The following NLGN1 variants were observed in gnomAD, a reference collection of about 807,000 sequenced individuals.
The protein encoded by NLGN1 is neuroligin 1.
NLGN1 carries 12 observed loss-of-function variants against 65.5 expected under a neutral mutation model. The ratio of observed to expected loss-of-function variants is 0.18; its 90% confidence interval spans 0.12 to 0.30. The LOEUF is 0.30. Ranked by LOEUF, NLGN1 falls within the 10% of genes least tolerant of loss-of-function variation. The pLI is 1.00. For synonymous variants in NLGN1, 350 were observed against 359.5 expected, an observed-to-expected ratio of 0.97 and a Z score of 0.30; for missense variants, 750 against 1,007.1, an observed-to-expected ratio of 0.74 and a Z score of 3.46.
At chr3:174,268,174 A>AGAAAT (rs1748644910) in intron 4 of NLGN1, among the ~76,000 whole-genome samples, 1 of 152,206 alleles carries the variant, frequency 6.6e-6, no homozygotes, top group South Asian at 2.1e-4. Flanking sequence ...CAAAGCAATT[A>AGAAAT]GAAATGAAGA....
intron 4 of NLGN1, among the ~76,000 whole-genome samples, chr3:174,071,447 C>A (rs983861395): frequency 2.6e-5 from 4 of 151,816 alleles, no homozygotes; most frequent in African/African-American, 9.7e-5. Flanking sequence ...TTTGGGAGAC[C>A]GAGGTGGGTG....
chr3:174,240,395 G>A (rs1407121376), intron 4 of NLGN1, among the ~76,000 whole-genome samples: 1 of 152,076 alleles, frequency 6.6e-6, no homozygotes, highest in Non-Finnish European at 1.5e-5. Flanking sequence ...ATTTTCTTGA[G>A]TTGAAAAATT....
intron 4 of NLGN1, among the ~76,000 whole-genome samples, chr3:174,246,246 A>G (rs1743767812): frequency 6.6e-6 from 1 of 152,208 alleles, no homozygotes; most frequent in African/African-American, 2.4e-5. Context: ...TGAGTCAGTC[A>G]AATTCAATGA....
intron 2 of NLGN1, among the ~76,000 whole-genome samples, chr3:173,550,962 A>T (rs1740757928): frequency 6.6e-6 from 1 of 152,124 alleles, no homozygotes; most frequent in Admixed American, 6.6e-5. Context: ...TTCTCCCTAT[A>T]CACATGACAG....
At chr3:174,067,576 A>G (rs1203401791) in intron 4 of NLGN1, among the ~76,000 whole-genome samples, 1 of 152,094 alleles carries the variant, frequency 6.6e-6, no homozygotes, top group Non-Finnish European at 1.5e-5. Context: ...ATCTGAGTAC[A>G]TTTCTATGAA....
chr3:174,144,877 C>A (rs1377806883), intron 4 of NLGN1, among the ~76,000 whole-genome samples: 1 of 152,106 alleles, frequency 6.6e-6, no homozygotes, highest in Non-Finnish European at 1.5e-5. Context: ...ATGATAGTTT[C>A]TTTTGCTGTG....
At chr3:173,473,628 T>A (rs1725669444) in intron 2 of NLGN1, among the ~76,000 whole-genome samples, 2 of 152,222 alleles carry the variant, frequency 1.3e-5, no homozygotes, top group South Asian at 4.1e-4. Context: ...CTTTCTTTTT[T>A]CACCTTCATT....
intron 4 of NLGN1, among the ~76,000 whole-genome samples, chr3:173,969,101 T>C (rs1715591924): frequency 6.6e-6 from 1 of 152,144 alleles, no homozygotes; most frequent in Non-Finnish European, 1.5e-5. Context: ...TTGTTGATTA[T>C]TTTATTTTGT....
At chr3:174,091,799 C>G (rs750173697) in intron 4 of NLGN1, among the ~76,000 whole-genome samples, 1 of 152,128 alleles carries the variant, frequency 6.6e-6, no homozygotes, top group African/African-American at 2.4e-5. Flanking sequence ...ATTTCTAATT[C>G]ATTAATTACT....
At chr3:173,896,705 C>T (rs551197683) in intron 4 of NLGN1, among the ~76,000 whole-genome samples, 2 of 152,106 alleles carry the variant, frequency 1.3e-5, no homozygotes, top group African/African-American at 2.4e-5. Flanking sequence ...CTCATTCATA[C>T]CATAGATGCT....
In NLGN1 at chr3:174,114,632, T is replaced by C. The variant is rs569738567; in HGVS notation, c.647-160683T>C. ...GTATGTTTCCTTTTAAATTACAATT[T>C]TGTTAAATCTGATTTTGCTCGCATA... On this transcript the variant is annotated intron_variant, in intron 4 of 6. Transcript: ENST00000457714. Among the ~76,000 whole-genome samples, 4 of 152,296 alleles carry C rather than the reference T, an allele frequency of 2.6e-5. No individual in the cohort carries two copies. The East Asian group carries it at 7.7e-4, about 29-fold the overall frequency.
intron 4 of NLGN1, 125 bp from the exon 5 acceptor site, chr3:174,275,187 AAAT>A (rs1750313246): frequency 1.5e-6 from 1 of 661,482 alleles, no homozygotes; most frequent in South Asian, 2.1e-5. Context: ...TTATAGTGGA[AAAT>A]AATTTTTACT....
At chr3:173,626,835 T>C (rs1754897118) in intron 3 of NLGN1, among the ~76,000 whole-genome samples, 1 of 152,066 alleles carries the variant, frequency 6.6e-6, no homozygotes, top group African/African-American at 2.4e-5. Flanking sequence ...CTGGTGACTT[T>C]TCAAATAATT....
At chr3:173,754,515 G>C (rs1208957425) in intron 3 of NLGN1, among the ~76,000 whole-genome samples, 1 of 151,962 alleles carries the variant, frequency 6.6e-6, no homozygotes, top group Non-Finnish European at 1.5e-5. Flanking sequence ...TTTACTTAGT[G>C]TATTATCAAT....
intron 4 of NLGN1, among the ~76,000 whole-genome samples, chr3:174,125,918 C>G (rs1215877534): frequency 6.6e-6 from 1 of 152,082 alleles, no homozygotes; most frequent in Non-Finnish European, 1.5e-5. Context: ...TAGCTGTTAA[C>G]TTTAACAACA....
intron 4 of NLGN1, among the ~76,000 whole-genome samples, chr3:173,978,900 G>T (rs1718146829): frequency 6.6e-6 from 1 of 150,498 alleles, no homozygotes; most frequent in Non-Finnish European, 1.5e-5. Context: ...ACCTAATCAG[G>T]AGGCTGAGGC....
At chr3:174,076,563 T>C (rs1443731855) in intron 4 of NLGN1, among the ~76,000 whole-genome samples, 1 of 152,136 alleles carries the variant, frequency 6.6e-6, no homozygotes. Context: ...CTGTATTCTC[T>C]TTGCCTAATA....
intron 4 of NLGN1, among the ~76,000 whole-genome samples, chr3:174,262,882 G>A (rs1423369322): frequency 9.5e-5 from 10 of 105,338 alleles, no homozygotes; most frequent in Non-Finnish European, 1.5e-4. Flanking sequence ...CTGGTATGTT[G>A]TGTCTTTGTT....
chr3:173,840,717 C>A (rs1171461188), intron 4 of NLGN1, among the ~76,000 whole-genome samples: 1 of 152,106 alleles, frequency 6.6e-6, no homozygotes, highest in Non-Finnish European at 1.5e-5. Flanking sequence ...TCTTCTCATA[C>A]TCACATTTTT....
Sources: allele counts gnomAD v4.1 joint callset (sites outside exome capture counted in the v4.1 genomes callset), GRCh38; gene constraint gnomAD v4.1.1; transcripts MANE v1.5; gene names NCBI Gene and HGNC (gene_info 2026-07-23, HGNC 2026-07-21).